ACACA: variants seen among roughly 807,000 people sequenced by gnomAD.
The protein encoded by ACACA is acetyl-CoA carboxylase 1.
In ACACA, 103 loss-of-function variants were observed where a neutral mutation model predicts 296.1. The ratio of observed to expected loss-of-function variants is 0.35; its 90% CI spans 0.30 to 0.41. ACACA has a LOEUF of 0.41. Ranked by LOEUF, ACACA falls within the 10% of genes least tolerant of loss-of-function variation. ACACA has a pLI of 1.00. For missense variants in ACACA, 1,554 were observed against 2,989.7 expected, an observed-to-expected ratio of 0.52 and a Z score of 11.20; for synonymous variants, 953 against 1,038.6, an observed-to-expected ratio of 0.92 and a Z score of 1.58.
intron 7 of ACACA, among the ~76,000 whole-genome samples, chr17:37,276,568 G>C (rs1231328790): frequency 6.6e-6 from 1 of 152,162 alleles, no homozygotes; most frequent in Non-Finnish European, 1.5e-5. Context: ...TTTCTCTCTG[G>C]TATAATGACA....
In ACACA at chr17:37,257,703, G is replaced by A; in HGVS notation, c.1826C>T (p.Ser609Leu). ...SWGENREEAI[S>L]NMVVALKELS... ...TGCAATCAAATGCTATTATACTCAC[G>A]AAATTGCCTCTTCTCTGTTTTCTCC... The change falls in exon 14 of 56, where the codon TCA becomes TTA. Residue 609 changes from serine (S) to leucine (L), a missense_variant and splice_region_variant. By Grantham distance (145) the Ser-to-Leu change is moderately radical. This residue lies in a region of ACACA where 35 missense variants were observed against 139.4 expected (regional missense o/e 0.25). Transcript: ENST00000616317. 1.2e-6 allele frequency: 2 copies of A among 1,613,828 alleles called. No individual in the cohort carries two copies.
chr17:37,312,458 C>T (rs1456260244), intron 3 of ACACA, among the ~76,000 whole-genome samples: 6 of 152,130 alleles, frequency 3.9e-5, no homozygotes, highest in African/African-American at 4.8e-5. Flanking sequence ...AGATAATTAA[C>T]GCCTATTTTA....
chr17:37,164,715 A>G (rs1198808892), intron 41 of ACACA, among the ~76,000 whole-genome samples: 1 of 152,110 alleles, frequency 6.6e-6, no homozygotes, highest in Non-Finnish European at 1.5e-5. Context: ...TCTAACCCCA[A>G]ACCTTTTGTT....
At chr17:37,180,159 G>T (rs1303541314) in intron 40 of ACACA, among the ~76,000 whole-genome samples, 1 of 152,122 alleles carries the variant, frequency 6.6e-6, no homozygotes, top group Non-Finnish European at 1.5e-5. Flanking sequence ...TATATAGGAA[G>T]AATTACTTAG....
intron 43 of ACACA, among the ~76,000 whole-genome samples, chr17:37,152,352 A>G (rs915895449): frequency 1.3e-5 from 2 of 152,190 alleles, no homozygotes; most frequent in African/African-American, 4.8e-5. Context: ...TCATATCAAC[A>G]ATTTTAGACA....
chr17:37,231,153 G>A (rs994341686), intron 25 of ACACA, among the ~76,000 whole-genome samples: 2 of 151,556 alleles, frequency 1.3e-5, no homozygotes, highest in East Asian at 1.9e-4. Flanking sequence ...ATGGGAGGCC[G>A]AGACCGTTTG....
At chr17:37,156,037 T>C (rs2076228863) in intron 42 of ACACA, among the ~76,000 whole-genome samples, 1 of 150,914 alleles carries the variant, frequency 6.6e-6, no homozygotes, top group South Asian at 2.1e-4. Context: ...CTTCATTTCA[T>C]TTTCTTTCTT....
At chr17:37,089,200 G>A in intron 54 of ACACA, 126 bp from the exon 55 acceptor site, 1 of 1,378,808 alleles carries the variant, frequency 7.3e-7, no homozygotes, top group Non-Finnish European at 1.0e-6. Context: ...CTCCTTCACT[G>A]TCAGCATCGT....
rs1411958587 is a variant in ACACA at position 37,243,853 on chromosome 17, T to G, written c.2743-294A>C. On this transcript the variant is annotated intron_variant, in intron 21 of 55. Transcript: ENST00000616317. ...GAGTCAACTATATCTGAATTCACTA[T>G]CATATACTACTTCTTTTCAATAAAA... is the stretch of plus-strand genomic sequence containing the variant. Among the ~76,000 whole-genome samples the G allele has an allele frequency of 2.0e-5, 3 of 152,286 alleles. No homozygotes were observed. In the East Asian group the frequency reaches 5.8e-4, roughly 29 times the overall value.
rs138174305 is a variant in ACACA, at chr17:37,189,243, G to A, written c.4573-763C>T. Among the ~76,000 whole-genome samples, 884 of 152,214 alleles carry A rather than the reference G, an allele frequency of 5.8e-3. 5 individuals carry two copies. The highest frequency in any genetic ancestry group is 0.02 in the African/African-American group (842 of 41,524). ...AGCAAAACTTTTTTTCCCCAACATG[G>A]CTGCACAGAACATAATGCAGCTAGA... is the stretch of plus-strand genomic sequence containing the variant. On this transcript the variant is annotated intron_variant, in intron 38 of 55. Coordinates refer to ENST00000616317, the MANE Select transcript of ACACA (RefSeq NM_198834.3).
intron 41 of ACACA, among the ~76,000 whole-genome samples, chr17:37,173,996 ATATATATATATATATATATATATATTT>A (rs1205654350): frequency 1.2e-4 from 1 of 8,600 alleles, no homozygotes; most frequent in Non-Finnish European, 2.0e-4. Context: ...ATATATATAT[ATATATATATATATATATATATATATTT>A]TTTTTTTTTT....
intron 41 of ACACA, among the ~76,000 whole-genome samples, chr17:37,164,221 C>T (rs561391775): frequency 6.6e-6 from 1 of 152,154 alleles, no homozygotes; most frequent in South Asian, 2.1e-4. Flanking sequence ...CATTGGGGAG[C>T]TGGCCATCAA....
At chr17:37,173,177 TCAC>T (rs2076940542) in intron 41 of ACACA, among the ~76,000 whole-genome samples, 1 of 152,178 alleles carries the variant, frequency 6.6e-6, no homozygotes, top group Non-Finnish European at 1.5e-5. Flanking sequence ...TACCCTTTTC[TCAC>T]CACCAAAACC....
At chr17:37,212,412 G>C (rs1435616701) in intron 29 of ACACA, among the ~76,000 whole-genome samples, 3 of 151,398 alleles carry the variant, frequency 2.0e-5, no homozygotes, top group Non-Finnish European at 4.4e-5. Context: ...TAAGAATTAT[G>C]CACCATCTAC....
At chr17:37,200,565 C>T (rs2078203476) in intron 33 of ACACA, 82 bp from the exon 34 acceptor site, 1 of 1,318,364 alleles carries the variant, frequency 7.6e-7, no homozygotes, top group Non-Finnish European at 1.1e-6. Flanking sequence ...CCTTGTAAGG[C>T]TTTGGTGGAG....
chr17:37,194,490 G>A (rs963965634), intron 35 of ACACA, among the ~76,000 whole-genome samples: 3 of 152,068 alleles, frequency 2.0e-5, no homozygotes, highest in African/African-American at 7.2e-5. Context: ...AGATAAACTT[G>A]GGTCTCTCTA....
intron 1 of ACACA, among the ~76,000 whole-genome samples, chr17:37,385,835 A>C (rs2050502050): frequency 6.6e-6 from 1 of 152,124 alleles, no homozygotes; most frequent in Non-Finnish European, 1.5e-5. Context: ...TAGTGTCTCT[A>C]TCCTCATTTA....
chr17:37,166,278 A>T (rs7225778), intron 41 of ACACA, among the ~76,000 whole-genome samples: 104 of 151,894 alleles, frequency 6.8e-4, no homozygotes, highest in African/African-American at 2.3e-3. Context: ...GACCACAGGC[A>T]TGTGTGTTAC....
intron 3 of ACACA, among the ~76,000 whole-genome samples, chr17:37,285,718 G>C (rs1288623017): frequency 7.7e-6 from 1 of 129,402 alleles, no homozygotes; most frequent in South Asian, 2.9e-4. Context: ...GGTGGGGGGT[G>C]GGGGGCGCAG....
Sources: gnomAD v4.1 joint callset for allele counts (sites outside exome capture counted in the v4.1 genomes callset) on GRCh38, gnomAD v4.1.1 for gene constraint, gnomAD v4.1.1 regional missense constraint, MANE v1.5 for transcripts, NCBI Gene and HGNC (gene_info 2026-07-23, HGNC 2026-07-21) for gene names.